Variants in SPATA13 observed in about 807,000 individuals in gnomAD.
The protein encoded by SPATA13 is spermatogenesis associated 13, also known as spermatogenesis-associated protein 13.
A neutral mutation model predicts 104.0 loss-of-function variants in SPATA13; 50 were observed. The ratio of observed to expected loss-of-function variants is 0.48; its 90% CI spans 0.38 to 0.61. The LOEUF is 0.61. Ranked by LOEUF, SPATA13 falls within the 20% of genes least tolerant of loss-of-function variation. The probability of loss-of-function intolerance (pLI) is 0.00; values close to 1 mark genes in which losing one functional copy is unlikely to be tolerated. For missense variants in SPATA13, 1,524 were observed against 1,690.6 expected, an observed-to-expected ratio of 0.90 and a Z score of 1.73; for synonymous variants, 606 against 667.5, an observed-to-expected ratio of 0.91 and a Z score of 1.42.
intron 4 of SPATA13, among the ~76,000 whole-genome samples, chr13:24,280,735 TTCAGTG>T (rs1448833659): frequency 6.6e-6 from 1 of 152,068 alleles, no homozygotes; most frequent in Non-Finnish European, 1.5e-5. Flanking sequence ...GGCCTTTGTC[TTCAGTG>T]TTGTTTCCCT....
At chr13:24,213,726 G>A (rs1050343839) in intron 1 of SPATA13, among the ~76,000 whole-genome samples, 9 of 152,054 alleles carry the variant, frequency 5.9e-5, no homozygotes, top group African/African-American at 9.7e-5. Flanking sequence ...TTAATATAGC[G>A]ATCCTATTAA....
chr13:24,160,740 G>A lies in SPATA13; in HGVS notation c.-304G>A. The A allele has an allele frequency of 1.0e-6, 1 of 985,632 alleles. No homozygotes were observed. Among genetic ancestry groups the A allele is most frequent in the Non-Finnish European group, 1.2e-6 (1 of 830,144 alleles). The allele number at this position is 985,632 out of a possible 1,614,324, so 61.1% of individuals were successfully genotyped here. A position where few individuals can be genotyped will look rare whatever the true frequency, so the allele number is the denominator to read the frequency against. Reference sequence around the variant, plus strand: ...TGGCTGAGTGTGCTGCCGCGGCGCGGGAGGAGAGTGTGCGTTGCGCTTTCT... The same window carrying A: ...TGGCTGAGTGTGCTGCCGCGGCGCGAGAGGAGAGTGTGCGTTGCGCTTTCT... On this transcript the variant is annotated 5_prime_UTR_variant, in exon 1 of 13. Transcript: ENST00000382108.
chr13:24,097,140 A>G (rs564157122), intron 3 of SPATA13, among the ~76,000 whole-genome samples: 59 of 152,320 alleles, frequency 3.9e-4, no homozygotes, highest in Non-Finnish European at 8.5e-4. Flanking sequence ...GATTAAATGC[A>G]GAGAGGGAGC....
intron 3 of SPATA13, among the ~76,000 whole-genome samples, chr13:24,149,430 C>T (rs1324111160): frequency 6.6e-6 from 1 of 152,136 alleles, no homozygotes; most frequent in Non-Finnish European, 1.5e-5. Flanking sequence ...TGGCATTTTG[C>T]CTGTCTTCTG....
intron 3 of SPATA13, among the ~76,000 whole-genome samples, chr13:24,141,183 A>AAG (rs1243696413): frequency 6.6e-6 from 1 of 150,756 alleles, no homozygotes. Flanking sequence ...CAAAAAAAAA[A>AAG]AAGAAAAAGA....
At chr13:24,136,926 T>C (rs1881591173) in intron 3 of SPATA13, among the ~76,000 whole-genome samples, 1 of 104,688 alleles carries the variant, frequency 9.6e-6, no homozygotes, top group Non-Finnish European at 2.1e-5. Flanking sequence ...GCCTCCCAGG[T>C]TCACGCCATT....
Position 24,297,347 on chromosome 13 carries a change from G to T in SPATA13, c.3211-16G>T. ...GTAGAATTGGAAGGTCTTAAGATGT[G>T]TTTTCATCCTTCCAGGGACTGGATA... On this transcript the variant is annotated splice_polypyrimidine_tract_variant and intron_variant, in intron 10 of 12. Coordinates refer to ENST00000382108, the MANE Select transcript of SPATA13 (RefSeq NM_001166271.3). 1 of 1,596,342 alleles carries T rather than the reference G, an allele frequency of 6.3e-7. No homozygotes were observed. The highest frequency in any genetic ancestry group is 1.1e-5 in the South Asian group (1 of 90,262).
intron 3 of SPATA13, among the ~76,000 whole-genome samples, chr13:24,119,049 G>C (rs1880948614): frequency 6.6e-6 from 1 of 151,932 alleles, no homozygotes; most frequent in Non-Finnish European, 1.5e-5. Context: ...GGGCCTGCAG[G>C]CGCCTGCCAC....
chr13:24,053,810 G>A (rs1327472411), intron 3 of SPATA13, among the ~76,000 whole-genome samples: 1 of 152,152 alleles, frequency 6.6e-6, no homozygotes, highest in Non-Finnish European at 1.5e-5. Flanking sequence ...TTTTCTTGAT[G>A]GCTGTTTGAA....
intron 3 of SPATA13, among the ~76,000 whole-genome samples, chr13:24,132,900 G>A (rs149562117): frequency 2.1e-3 from 324 of 152,246 alleles, no homozygotes; most frequent in African/African-American, 7.4e-3. Flanking sequence ...ACTTGAACCT[G>A]GGGGGTGGAG....
At chr13:24,016,880 G>A (rs1876737073) in intron 2 of SPATA13, among the ~76,000 whole-genome samples, 1 of 152,234 alleles carries the variant, frequency 6.6e-6, no homozygotes, top group African/African-American at 2.4e-5. Flanking sequence ...GCAGGATGGC[G>A]CTGCCCCCGC....
At chr13:24,154,526 CG>C (rs373290103) in intron 3 of SPATA13, among the ~76,000 whole-genome samples, 10 of 151,364 alleles carry the variant, frequency 6.6e-5, no homozygotes, top group African/African-American at 1.7e-4. Flanking sequence ...GCATTGCTAA[CG>C]GGGGGGAGGG....
chr13:24,160,601 G>A (rs1449240907), upstream of SPATA13: 2 of 510,562 alleles, frequency 3.9e-6, no homozygotes, highest in Non-Finnish European at 5.0e-6. Context: ...TGGGGGCGTG[G>A]CCGAGGGTGT....
chr13:24,227,172 G>A (rs905627887), intron 2 of SPATA13, among the ~76,000 whole-genome samples: 3 of 152,218 alleles, frequency 2.0e-5, no homozygotes, highest in African/African-American at 7.2e-5. Context: ...CCCTACCTGC[G>A]CCACTCGTAG....
rs569861124 is a variant in SPATA13 at position 24,100,810 on chromosome 13, T to C, written c.-112+83109T>C. Among the ~76,000 whole-genome samples the C allele has an allele frequency of 6.3e-4, 96 of 152,370 alleles. 1 individual carries two copies. The highest frequency in any genetic ancestry group is 2.3e-3 in the African/African-American group (94 of 41,584). On this transcript the variant is annotated intron_variant, in intron 3 of 14. Transcript: ENST00000424834. ...ACTTTCCCCACTGTTGCAAGATGCA[T>C]TTCACTGCACATCTTCATCCAAGCT...
intron 3 of SPATA13, among the ~76,000 whole-genome samples, chr13:24,111,123 T>C (rs529305763): frequency 2.0e-5 from 3 of 151,986 alleles, no homozygotes; most frequent in Non-Finnish European, 4.4e-5. Context: ...TTGCCCAGGC[T>C]GGTCTTGAAC....
At chr13:24,024,368 TGG>T (rs2137705032) in intron 3 of SPATA13, among the ~76,000 whole-genome samples, 1 of 152,022 alleles carries the variant, frequency 6.6e-6, no homozygotes, top group African/African-American at 2.4e-5. Context: ...GATGGATGGA[TGG>T]ATGGATGGAT....
chr13:24,050,371 C>T (rs1216716692), intron 3 of SPATA13, among the ~76,000 whole-genome samples: 9 of 152,158 alleles, frequency 5.9e-5, no homozygotes, highest in South Asian at 4.1e-4. Flanking sequence ...CAAATTTCCC[C>T]GCTTGACTCA....
intron 3 of SPATA13, among the ~76,000 whole-genome samples, chr13:24,118,911 CTT>C (rs67348620): frequency 1.9e-4 from 28 of 146,474 alleles, no homozygotes; most frequent in African/African-American, 5.5e-4. Context: ...CTTTTCTTTT[CTT>C]TTTTTTTTTT....
Sources: gnomAD v4.1 joint callset for allele counts (sites outside exome capture counted in the v4.1 genomes callset) on GRCh38, gnomAD v4.1.1 for gene constraint, MANE v1.5 for transcripts, NCBI Gene and HGNC (gene_info 2026-07-23, HGNC 2026-07-21) for gene names.